The following CSDE1 variants were observed in gnomAD, a reference collection of about 807,000 sequenced individuals.
CSDE1 encodes cold shock domain containing E1, also known as cold shock domain-containing protein E1.
CSDE1 carries 17 observed loss-of-function variants against 89.3 expected under a neutral mutation model. The ratio of observed to expected loss-of-function variants is 0.19; its 90% CI spans 0.13 to 0.29. The LOEUF (loss-of-function observed/expected upper bound fraction) is 0.29. Among genes scored for constraint, CSDE1 ranks in the 10% least tolerant of loss-of-function variants. CSDE1 has a pLI of 1.00. For synonymous variants in CSDE1, 322 were observed against 332.8 expected, an observed-to-expected ratio of 0.97 and a Z score of 0.35; for missense variants, 672 against 984.2, an observed-to-expected ratio of 0.68 and a Z score of 4.24.
intron 2 of CSDE1, among the ~76,000 whole-genome samples, chr1:114,742,945 C>T (rs562866784): frequency 1.6e-4 from 25 of 152,252 alleles, no homozygotes; most frequent in African/African-American, 5.8e-4. Context: ...TATAATATCC[C>T]TCACTTCACA....
intron 2 of CSDE1, 83 bp from the exon 3 acceptor site, chr1:114,739,973 C>T: frequency 8.3e-7 from 1 of 1,211,400 alleles, no homozygotes; most frequent in Admixed American, 2.1e-5. Flanking sequence ...GTCACTAAAT[C>T]TTCCATATAA....
At chr1:114,744,715 G>T (rs996430917) in intron 2 of CSDE1, among the ~76,000 whole-genome samples, 1 of 151,924 alleles carries the variant, frequency 6.6e-6, no homozygotes, top group African/African-American at 2.4e-5. Context: ...AATCACAAGG[G>T]ACTGATATCT....
At chr1:114,734,168 A>G in intron 7 of CSDE1, 51 bp from the exon 8 acceptor site, 2 of 1,569,456 alleles carry the variant, frequency 1.3e-6, no homozygotes, top group Non-Finnish European at 1.7e-6. Flanking sequence ...GTACAAATTT[A>G]TGATTACAAC....
intron 1 of CSDE1, among the ~76,000 whole-genome samples, chr1:114,750,591 G>GAA (rs532208483): frequency 6.9e-5 from 10 of 145,092 alleles, no homozygotes; most frequent in African/African-American, 2.3e-4. Context: ...TGTAAACATG[G>GAA]AAAAAAAAAA....
intron 1 of CSDE1, among the ~76,000 whole-genome samples, chr1:114,751,161 C>T (rs2101087979): frequency 6.6e-6 from 1 of 152,302 alleles, no homozygotes; most frequent in Non-Finnish European, 1.5e-5. Context: ...AAACAGAAAT[C>T]TCATTTGCAC....
intron 16 of CSDE1, among the ~76,000 whole-genome samples, chr1:114,721,094 T>C (rs769808301): frequency 5.9e-5 from 9 of 152,226 alleles, no homozygotes; most frequent in Non-Finnish European, 1.0e-4. Context: ...AAAAATACTT[T>C]TGTCCCATAC....
chr1:114,757,377 T>C (rs940282245), intron 1 of CSDE1, among the ~76,000 whole-genome samples: 5 of 152,058 alleles, frequency 3.3e-5, no homozygotes, highest in Non-Finnish European at 7.4e-5. Flanking sequence ...GCTCTGGTAC[T>C]GGTAGTCAGA....
intron 14 of CSDE1, 86 bp downstream of exon 14, chr1:114,726,124 TA>T: frequency 1.5e-6 from 2 of 1,308,868 alleles, no homozygotes; most frequent in Non-Finnish European, 2.1e-6. Context: ...TCAACAAGTA[TA>T]ATCAATCAAT....
intron 15 of CSDE1, among the ~76,000 whole-genome samples, 154 bp downstream of exon 15, chr1:114,725,066 AT>A (rs1279819908): frequency 6.6e-6 from 1 of 152,218 alleles, no homozygotes; most frequent in Non-Finnish European, 1.5e-5. Flanking sequence ...CAGAGAACGT[AT>A]ATTTCTAACA....
chr1:114,748,830 A>G (rs1176727043), intron 2 of CSDE1, among the ~76,000 whole-genome samples: 1 of 152,162 alleles, frequency 6.6e-6, no homozygotes, highest in Non-Finnish European at 1.5e-5. Flanking sequence ...TTGTCTTTTA[A>G]AGGTACACTT....
At chr1:114,718,825 C>A in intron 18 of CSDE1, 80 bp from the exon 19 acceptor site, 2 of 1,501,146 alleles carry the variant, frequency 1.3e-6, no homozygotes, top group Non-Finnish European at 1.8e-6. Context: ...GTGTTTTCCA[C>A]CTAACTGCCC....
intron 17 of CSDE1, 114 bp from the exon 18 acceptor site, chr1:114,719,856 C>G: frequency 9.6e-7 from 1 of 1,044,730 alleles, no homozygotes; most frequent in Non-Finnish European, 1.4e-6. Flanking sequence ...AATGTTGATA[C>G]TCCAGTCCAG....
chr1:114,722,178 C>T (rs1379804459), intron 16 of CSDE1, among the ~76,000 whole-genome samples: 2 of 152,140 alleles, frequency 1.3e-5, no homozygotes, highest in East Asian at 1.9e-4. Context: ...CCCCTACTCT[C>T]GACCCCAGCT....
At chr1:114,753,932 C>A (rs940873831) in intron 1 of CSDE1, among the ~76,000 whole-genome samples, 2 of 152,128 alleles carry the variant, frequency 1.3e-5, no homozygotes, top group African/African-American at 4.8e-5. Flanking sequence ...ATCGCCCCCA[C>A]AAACCCACCA....
At chr1:114,738,421 A>AT (rs1660526063) in intron 3 of CSDE1, among the ~76,000 whole-genome samples, 3 of 152,118 alleles carry the variant, frequency 2.0e-5, no homozygotes, top group Non-Finnish European at 2.9e-5. Context: ...AAATGAGATG[A>AT]CTTAACAATC....
At chr1:114,718,995 A>G in intron 18 of CSDE1, 3 of 458,534 alleles carry the variant, frequency 6.5e-6, no homozygotes. Context: ...TGCAATCAAG[A>G]GTGACCAGTT....
At chr1:114,738,436 C>A (rs893022394) in intron 3 of CSDE1, among the ~76,000 whole-genome samples, 1 of 152,018 alleles carries the variant, frequency 6.6e-6, no homozygotes, top group African/African-American at 2.4e-5. Flanking sequence ...ACAATCATAA[C>A]CTTTGGCGAG....
intron 3 of CSDE1, among the ~76,000 whole-genome samples, chr1:114,739,233 G>GT: frequency 6.6e-6 from 1 of 151,850 alleles, no homozygotes; most frequent in East Asian, 2.0e-4. Context: ...GGGTTTCACC[G>GT]TGTTAGCCAG....
In CSDE1 at chr1:114,740,771, C is replaced by T. The variant is rs564448529; in HGVS notation, c.1-881G>A. On this transcript the variant is annotated intron_variant, in intron 2 of 19. Transcript: ENST00000358528. Reference sequence around the variant, plus strand: ...ACTATAAGTGAAGCACAAAACAGGACGAAATCCTTAGCAAAGCCTAGGTCT... The same window carrying T: ...ACTATAAGTGAAGCACAAAACAGGATGAAATCCTTAGCAAAGCCTAGGTCT... 5.9e-5 allele frequency among the ~76,000 whole-genome samples: 9 copies of T among 152,228 alleles called. No individual in the cohort carries two copies. In the East Asian group the frequency reaches 1.4e-3, roughly 23 times the overall value.
Sources: gnomAD v4.1 joint callset for allele counts (sites outside exome capture counted in the v4.1 genomes callset) on GRCh38, gnomAD v4.1.1 for gene constraint, MANE v1.5 for transcripts, NCBI Gene and HGNC (gene_info 2026-07-23, HGNC 2026-07-21) for gene names.